Variants in SEPTIN9 observed in about 807,000 individuals in gnomAD.
SEPTIN9 encodes the protein septin-9.
A neutral mutation model predicts 56.6 loss-of-function variants in SEPTIN9; 13 were observed. The ratio of observed to expected loss-of-function variants is 0.23; its 90% CI spans 0.15 to 0.37. SEPTIN9 has a LOEUF of 0.37. Ranked by LOEUF, SEPTIN9 falls within the 10% of genes least tolerant of loss-of-function variation. The probability of loss-of-function intolerance (pLI) is 1.00; values close to 1 mark genes in which losing one functional copy is unlikely to be tolerated. For synonymous variants in SEPTIN9, 332 were observed against 334.1 expected, an observed-to-expected ratio of 0.99 and a Z score of 0.07; for missense variants, 650 against 823.1, an observed-to-expected ratio of 0.79 and a Z score of 2.57.
chr17:77,361,641 T>G (rs1169160041), intron 2 of SEPTIN9, among the ~76,000 whole-genome samples: 1 of 150,264 alleles, frequency 6.7e-6, no homozygotes, highest in African/African-American at 2.4e-5. Flanking sequence ...TTTCTTTTCT[T>G]TTTTTTTTTG....
At chr17:77,430,959 C>G (rs1451588703) in intron 3 of SEPTIN9, among the ~76,000 whole-genome samples, 3 of 151,244 alleles carry the variant, frequency 2.0e-5, no homozygotes, top group Non-Finnish European at 4.4e-5. Flanking sequence ...CTACTGCACT[C>G]CAGCCTGGGC....
At chr17:77,391,038 T>A (rs2035524106) in intron 2 of SEPTIN9, among the ~76,000 whole-genome samples, 1 of 152,190 alleles carries the variant, frequency 6.6e-6, no homozygotes, top group Non-Finnish European at 1.5e-5. Context: ...CGGCGGAGGC[T>A]GGGGCAACAA....
chr17:77,499,027 C>T lies in SEPTIN9; in HGVS notation c.*369C>T, dbSNP rs1313633951. 5.6e-6 allele frequency: 3 copies of T among 539,176 alleles called. No individual in the cohort carries two copies. Among genetic ancestry groups the T allele is most frequent in the African/African-American group, 3.7e-5 (2 of 54,008 alleles). The allele number at this position is 539,176 out of a possible 1,614,324, so 33.4% of individuals were successfully genotyped here. On this transcript the variant is annotated 3_prime_UTR_variant, in exon 12 of 12. Coordinates refer to ENST00000427177, the MANE Select transcript of SEPTIN9 (RefSeq NM_001113491.2). ...CGGAGGCCTTGGGGTGGGGGCCAGG[C>T]CTCGCACTTGCAGAGGAGCCCAGTG... is the stretch of plus-strand genomic sequence containing the variant.
In SEPTIN9 at chr17:77,330,182, C is replaced by T. The variant is rs758914947; in HGVS notation, c.76+22985C>T. On this transcript the variant is annotated intron_variant, in intron 2 of 11. Coordinates refer to ENST00000427177, the MANE Select transcript of SEPTIN9 (RefSeq NM_001113491.2). The surrounding 1 kb of genome is among the most constrained non-coding windows in gnomAD (Gnocchi z 4.4). ...TGTTCCTGATGCTCTGTCCCCTCTG[C>T]GTCCTGTGCCGTGGGTGAGAGAGGG... is the stretch of plus-strand genomic sequence containing the variant. Among the ~76,000 whole-genome samples, 1 of 152,228 alleles carries T rather than the reference C, an allele frequency of 6.6e-6. No individual in the cohort carries two copies. The highest frequency in any genetic ancestry group is 2.4e-5 in the African/African-American group (1 of 41,466).
At chr17:77,457,802 C>T (rs79014979) in intron 3 of SEPTIN9, among the ~76,000 whole-genome samples, 2,995 of 152,372 alleles carry the variant, frequency 0.02, 71 homozygotes, top group African/African-American at 0.055. Context: ...CCCTCAGTGA[C>T]GCAGTGAAGT....
intron 1 of SEPTIN9, among the ~76,000 whole-genome samples, chr17:77,284,446 G>T (rs571915597): frequency 1.3e-5 from 2 of 152,210 alleles, no homozygotes; most frequent in Non-Finnish European, 2.9e-5. Context: ...GCCTTCCAAT[G>T]GGGTGGAGGT....
rs905529150 is a variant in SEPTIN9, at chr17:77,435,304, A to G, written c.721+32601A>G. ...CAAAACCTGAGGCCCAGAGGAGTGC[A>G]GTGACTTGGCCAGCTTCGCACGGCA... On this transcript the variant is annotated intron_variant, in intron 3 of 11. Transcript: ENST00000427177. The surrounding 1 kb of genome is among the most constrained non-coding windows in gnomAD (Gnocchi z 4.5). Among the ~76,000 whole-genome samples, 3 of 152,090 alleles carry G rather than the reference A, an allele frequency of 2.0e-5. No individual in the cohort carries two copies. The highest frequency in any genetic ancestry group is 4.4e-5 in the Non-Finnish European group (3 of 67,984).
At chr17:77,377,208 C>G (rs1485425216) in intron 2 of SEPTIN9, 1 of 152,084 alleles carries the variant, frequency 6.6e-6, no homozygotes, top group Non-Finnish European at 1.5e-5. Context: ...TTCTACTTTT[C>G]CACTGTACAA....
In SEPTIN9 at chr17:77,400,697, G is replaced by A. The variant is rs1425296960; in HGVS notation, c.77-1362G>A. ...AGGGGAGGCAGTGGTGGGATCCCAT[G>A]AGACCCGGACTCTGTGGCCTGGTGA... On this transcript the variant is annotated intron_variant, in intron 2 of 11. Coordinates refer to ENST00000427177, the MANE Select transcript of SEPTIN9 (RefSeq NM_001113491.2). This position sits in a 1 kb window ranked among gnomAD's most constrained non-coding sequence, Gnocchi z 4.1. The A allele has an allele frequency of 6.6e-6, 1 of 152,620 alleles. No homozygotes were observed. Among genetic ancestry groups the A allele is most frequent in the Non-Finnish European group, 1.5e-5 (1 of 68,384 alleles). 9.5% of individuals were successfully genotyped at this position (152,620 alleles called of 1,614,324 possible).
intron 2 of SEPTIN9, among the ~76,000 whole-genome samples, chr17:77,381,350 A>G (rs991732481): frequency 1.3e-5 from 2 of 152,184 alleles, no homozygotes; most frequent in African/African-American, 4.8e-5. Flanking sequence ...TGCCAGGTCA[A>G]CAGCCAGCAG....
chr17:77,307,284 C>A, intron 2 of SEPTIN9, 87 bp downstream of exon 2: 1 of 1,236,970 alleles, frequency 8.1e-7, no homozygotes, highest in Non-Finnish European at 1.2e-6. Context: ...GACCTGCCTC[C>A]CCACCTGGCT....
At chr17:77,332,487 AT>A in intron 2 of SEPTIN9, among the ~76,000 whole-genome samples, 1 of 152,182 alleles carries the variant, frequency 6.6e-6, no homozygotes, top group East Asian at 1.9e-4. Flanking sequence ...CTCAGTTTGC[AT>A]TTCATTAACT....
At chr17:77,290,570 G>A (rs932716463) in intron 1 of SEPTIN9, among the ~76,000 whole-genome samples, 3 of 151,712 alleles carry the variant, frequency 2.0e-5, no homozygotes, top group African/African-American at 7.3e-5. Context: ...GCTCACACCT[G>A]TAATCCCAGC....
intron 3 of SEPTIN9, among the ~76,000 whole-genome samples, chr17:77,416,471 C>G (rs969597697): frequency 1.3e-5 from 2 of 152,226 alleles, no homozygotes; most frequent in African/African-American, 4.8e-5. Context: ...GGGCCCCTCC[C>G]TGAAGCAGCA....
rs371400788 is a variant in SEPTIN9, at chr17:77,302,019, T to G, written c.20-5122T>G. ...ACATCACAGGTGGGGTCTGTAAGGA[T>G]CTGAAATGACCTTTGAGAAGGCGGG... is the stretch of plus-strand genomic sequence containing the variant. On this transcript the variant is annotated intron_variant, in intron 1 of 11. Transcript: ENST00000427177. Among the ~76,000 whole-genome samples, 3 of 152,270 alleles carry G rather than the reference T, an allele frequency of 2.0e-5. No homozygotes were observed. In the East Asian group the frequency reaches 5.8e-4, roughly 29 times the overall value.
chr17:77,498,734 T>C lies in SEPTIN9; in HGVS notation c.*76T>C. 1.5e-6 allele frequency: 1 copy of C among 671,712 alleles called. No individual in the cohort carries two copies. Among genetic ancestry groups the C allele is most frequent in the Non-Finnish European group, 2.3e-6 (1 of 435,192 alleles). The allele number at this position is 671,712 out of a possible 1,614,324, so 41.6% of individuals were successfully genotyped here. A position where few individuals can be genotyped will look rare whatever the true frequency, so the allele number is the denominator to read the frequency against. Reference sequence around the variant, plus strand: ...CCCCCAGGCCCTCCCACCACCCCATTTTATTTTATATGATTTTCTCCATTT... The same window carrying C: ...CCCCCAGGCCCTCCCACCACCCCATCTTATTTTATATGATTTTCTCCATTT... On this transcript the variant is annotated 3_prime_UTR_variant, in exon 12 of 12. Coordinates refer to ENST00000427177, the MANE Select transcript of SEPTIN9 (RefSeq NM_001113491.2).
intron 2 of SEPTIN9, among the ~76,000 whole-genome samples, chr17:77,349,219 C>T (rs1394853066): frequency 3.3e-5 from 5 of 152,146 alleles, no homozygotes; most frequent in African/African-American, 1.2e-4. Flanking sequence ...CGGGCTCAAA[C>T]GATTCTCCTG....
intron 11 of SEPTIN9, among the ~76,000 whole-genome samples, chr17:77,497,789 C>G (rs955725072): frequency 6.6e-6 from 1 of 152,096 alleles, no homozygotes; most frequent in Non-Finnish European, 1.5e-5. Context: ...TGAGTCCAGG[C>G]AAGGAGGGGA....
chr17:77,400,409 T>G lies in SEPTIN9; in HGVS notation c.77-1650T>G, dbSNP rs924968527. The G allele has an allele frequency of 6.6e-6, 1 of 152,056 alleles. No homozygotes were observed. Among genetic ancestry groups the G allele is most frequent in the African/African-American group, 2.4e-5 (1 of 41,396 alleles). 9.4% of individuals were successfully genotyped at this position (152,056 alleles called of 1,614,324 possible). A position where few individuals can be genotyped will look rare whatever the true frequency, so the allele number is the denominator to read the frequency against. ...TCCTTGCCCAGCTTCTGGTGGAGGTTGAGCTTAGTGACCCAGGATTTCGTC... is the reference window on the plus strand; with the variant it reads ...TCCTTGCCCAGCTTCTGGTGGAGGTGGAGCTTAGTGACCCAGGATTTCGTC... On this transcript the variant is annotated intron_variant, in intron 2 of 11. Transcript: ENST00000427177. This position sits in a 1 kb window ranked among gnomAD's most constrained non-coding sequence, Gnocchi z 4.1.
Sources: gnomAD v4.1 joint callset for allele counts (sites outside exome capture counted in the v4.1 genomes callset) on GRCh38, gnomAD v4.1.1 for gene constraint, Gnocchi (gnomAD v3.1) non-coding constraint, MANE v1.5 for transcripts, NCBI Gene and HGNC (gene_info 2026-07-23, HGNC 2026-07-21) for gene names.